Variants in PARP8 observed in about 807,000 individuals in gnomAD.
PARP8 encodes the protein poly(ADP-ribose) polymerase family member 8, also known as protein mono-ADP-ribosyltransferase PARP8.
In PARP8, 51 loss-of-function variants were observed where a neutral mutation model predicts 124.1. The ratio of observed to expected loss-of-function variants is 0.41; its 90% CI spans 0.33 to 0.52. The LOEUF is 0.52. PARP8 is among the 20% of genes least tolerant of loss of function. The pLI is 0.21. For synonymous variants in PARP8, 391 were observed against 361.5 expected, an observed-to-expected ratio of 1.08 and a Z score of -0.93; for missense variants, 860 against 1,018.9, an observed-to-expected ratio of 0.84 and a Z score of 2.12.
chr5:50,718,681 T>C (rs1755564952), intron 2 of PARP8, among the ~76,000 whole-genome samples: 1 of 152,046 alleles, frequency 6.6e-6, no homozygotes, highest in Non-Finnish European at 1.5e-5. Context: ...TAGTTTCCCA[T>C]TGTGTATCTG....
At chr5:50,703,478 G>T (rs1753806939) in intron 2 of PARP8, among the ~76,000 whole-genome samples, 1 of 151,908 alleles carries the variant, frequency 6.6e-6, no homozygotes, top group Admixed American at 6.6e-5. Context: ...TCCTTAGGGG[G>T]GTTTGATTTC....
chr5:50,689,032 A>ATTTTTTTTTTTTTT (rs67863550), intron 2 of PARP8, among the ~76,000 whole-genome samples: 1 of 111,276 alleles, frequency 9.0e-6, no homozygotes, highest in African/African-American at 3.2e-5. Context: ...TTTTTTTTTG[A>ATTTTTTTTTTTTTT]TTTTTTTTTT....
chr5:50,773,546 C>T (rs777324674), intron 7 of PARP8, among the ~76,000 whole-genome samples: 1 of 152,260 alleles, frequency 6.6e-6, no homozygotes, highest in South Asian at 2.1e-4. Context: ...TATTTTTATG[C>T]TGGTCCCATG....
chr5:50,788,285 A>G (rs1242974963), intron 9 of PARP8, among the ~76,000 whole-genome samples: 1 of 148,058 alleles, frequency 6.8e-6, no homozygotes, highest in East Asian at 1.9e-4. Context: ...TGTATTATAC[A>G]ATATAATGTA....
intron 7 of PARP8, among the ~76,000 whole-genome samples, chr5:50,768,009 A>G (rs1412824427): frequency 6.7e-6 from 1 of 150,020 alleles, no homozygotes; most frequent in South Asian, 2.2e-4. Context: ...GTATATACAT[A>G]TATGTGTGTG....
chr5:50,770,758 A>G (rs1406858896), intron 7 of PARP8, among the ~76,000 whole-genome samples: 1 of 152,040 alleles, frequency 6.6e-6, no homozygotes, highest in Admixed American at 6.6e-5. Context: ...GAAAAGATGG[A>G]TGCGGCAGAG....
chr5:50,763,712 AT>A (rs147618957), intron 7 of PARP8, among the ~76,000 whole-genome samples: 14,852 of 151,722 alleles, frequency 0.098, 789 homozygotes, highest in South Asian at 0.16. Flanking sequence ...CTAATATATT[AT>A]TTGGTGATAA....
chr5:50,787,536 C>A (rs540574300), intron 9 of PARP8, among the ~76,000 whole-genome samples: 20 of 152,226 alleles, frequency 1.3e-4, no homozygotes, highest in African/African-American at 4.6e-4. Flanking sequence ...TCTCCAGAGC[C>A]TTTATTGCCA....
intron 3 of PARP8, among the ~76,000 whole-genome samples, chr5:50,753,758 A>G (rs1270688925): frequency 1.3e-5 from 2 of 152,002 alleles, no homozygotes; most frequent in African/African-American, 4.8e-5. Flanking sequence ...TAATTTTTTT[A>G]GAGTTATAAT....
intron 21 of PARP8, 43 bp from the exon 22 acceptor site, chr5:50,829,849 C>A: frequency 1.3e-6 from 2 of 1,544,450 alleles, no homozygotes; most frequent in South Asian, 1.2e-5. Flanking sequence ...ATCATTTAAA[C>A]CATGAACAGA....
At chr5:50,763,729 C>T (rs1760786714) in intron 7 of PARP8, among the ~76,000 whole-genome samples, 2 of 151,914 alleles carry the variant, frequency 1.3e-5, no homozygotes, top group Admixed American at 1.3e-4. Context: ...GATAAATTTA[C>T]ACATCATTTT....
intron 14 of PARP8, among the ~76,000 whole-genome samples, chr5:50,801,798 G>A (rs27467): frequency 0.16 from 23,613 of 152,100 alleles, 2,232 homozygotes; most frequent in African/African-American, 0.27. Flanking sequence ...TGGGAAATCT[G>A]TTGCTGGATA....
At chr5:50,727,931 G>T (rs1196512153) in intron 2 of PARP8, among the ~76,000 whole-genome samples, 1 of 152,046 alleles carries the variant, frequency 6.6e-6, no homozygotes, top group East Asian at 1.9e-4. Flanking sequence ...TCCCTTGCTG[G>T]ACTAGAAACT....
At chr5:50,733,747 T>C (rs116287045) in intron 2 of PARP8, among the ~76,000 whole-genome samples, 4 of 151,440 alleles carry the variant, frequency 2.6e-5, no homozygotes, top group Non-Finnish European at 5.9e-5. Flanking sequence ...ATATTCAAAC[T>C]TTTTTTTTGT....
intron 3 of PARP8, among the ~76,000 whole-genome samples, chr5:50,751,291 T>C (rs981029999): frequency 6.6e-6 from 1 of 152,128 alleles, no homozygotes; most frequent in African/African-American, 2.4e-5. Flanking sequence ...GAGCCCCACC[T>C]GGAAATGCCA....
At chr5:50,735,013 C>T (rs1757341341) in intron 2 of PARP8, among the ~76,000 whole-genome samples, 1 of 151,912 alleles carries the variant, frequency 6.6e-6, no homozygotes, top group African/African-American at 2.4e-5. Context: ...AATAACATTA[C>T]TATAATAGAA....
chr5:50,804,191 CA>C (rs1743561121), intron 14 of PARP8, among the ~76,000 whole-genome samples: 2 of 152,160 alleles, frequency 1.3e-5, no homozygotes, highest in South Asian at 4.1e-4. Flanking sequence ...TTGCCTCACA[CA>C]ACTAAAACGC....
chr5:50,672,957 A>G (rs1272179262), intron 2 of PARP8, among the ~76,000 whole-genome samples: 1 of 152,210 alleles, frequency 6.6e-6, no homozygotes, highest in African/African-American at 2.4e-5. Flanking sequence ...ATCTTGGCAT[A>G]TACAGTTACT....
intron 4 of PARP8, 90 bp downstream of exon 4, chr5:50,759,822 C>T: frequency 3.0e-6 from 4 of 1,342,690 alleles, no homozygotes; most frequent in Non-Finnish European, 3.9e-6. Flanking sequence ...TAGCCAGTAA[C>T]AGATATTTAT....
Sources: allele counts gnomAD v4.1 joint callset (sites outside exome capture counted in the v4.1 genomes callset), GRCh38; gene constraint gnomAD v4.1.1; transcripts MANE v1.5; gene names NCBI Gene and HGNC (gene_info 2026-07-23, HGNC 2026-07-21).